The following GABRB3 variants were observed in gnomAD, a reference collection of about 807,000 sequenced individuals.
GABRB3 encodes gamma-aminobutyric acid receptor subunit beta-3.
GABRB3 carries 14 observed loss-of-function variants against 52.1 expected under a neutral mutation model. The observed-to-expected ratio is 0.27, with a 90% CI of 0.18 to 0.42. The LOEUF (loss-of-function observed/expected upper bound fraction) is 0.42, where lower values mean the gene tolerates loss of function less well. GABRB3 is among the 10% of genes least tolerant of loss of function. The pLI, the probability that GABRB3 is intolerant of heterozygous loss-of-function variation, is 1.00. For synonymous variants in GABRB3, 260 were observed against 232.3 expected (o/e 1.12, Z -1.08); for missense variants, 307 against 609.1 (o/e 0.50, Z 5.22).
At chr15:26,765,965 G>A (rs1413145181) in intron 3 of GABRB3, among the ~76,000 whole-genome samples, 1 of 152,066 alleles carries the variant, frequency 6.6e-6, no homozygotes, top group Non-Finnish European at 1.5e-5. Flanking sequence ...TAAGAAAGTC[G>A]GTGCTATTTC....
intron 3 of GABRB3, among the ~76,000 whole-genome samples, chr15:26,622,435 C>T (rs1223113001): frequency 6.6e-6 from 1 of 152,164 alleles, no homozygotes; most frequent in African/African-American, 2.4e-5. Flanking sequence ...TAGTGATATT[C>T]ACAGGACATT....
intron 4 of GABRB3, among the ~76,000 whole-genome samples, chr15:26,598,993 C>T (rs1595470964): frequency 1.3e-5 from 2 of 152,220 alleles, no homozygotes; most frequent in East Asian, 3.9e-4. Context: ...ATGACACTGC[C>T]CAGGCAGGGA....
At chr15:26,642,123 C>A (rs1178906208) in intron 3 of GABRB3, among the ~76,000 whole-genome samples, 1 of 152,162 alleles carries the variant, frequency 6.6e-6, no homozygotes, top group Non-Finnish European at 1.5e-5. Flanking sequence ...GAACTCCCAG[C>A]CGCAAGCAAT....
intron 3 of GABRB3, among the ~76,000 whole-genome samples, chr15:26,657,659 T>C (rs576046743): frequency 1.3e-5 from 2 of 152,324 alleles, no homozygotes; most frequent in African/African-American, 4.8e-5. Context: ...TCATCTCCAG[T>C]TCATAGGTAA....
intron 4 of GABRB3, among the ~76,000 whole-genome samples, chr15:26,588,724 C>T (rs1364089169): frequency 2.6e-5 from 4 of 152,154 alleles, no homozygotes; most frequent in Non-Finnish European, 5.9e-5. Flanking sequence ...ATATTCATAA[C>T]ATTCTCATTA....
rs565597905 is a variant in GABRB3 at position 26,605,798 on chromosome 15, T to C, written c.461+15516A>G. ...GGGGTACAGGGAGACAGAGAACAGG[T>C]GGTGTATTAGTCAGTTCTTGCATTG... is the stretch of plus-strand genomic sequence containing the variant. On this transcript the variant is annotated intron_variant, in intron 4 of 8. Coordinates refer to ENST00000311550, the MANE Select transcript of GABRB3 (RefSeq NM_000814.6). Among the ~76,000 whole-genome samples the C allele has an allele frequency of 5.9e-5, 9 of 152,122 alleles. No individual in the cohort carries two copies. The South Asian group carries it at 1.7e-3, about 28-fold the overall frequency.
chr15:26,587,421 A>C (rs1176599417), intron 4 of GABRB3, among the ~76,000 whole-genome samples: 1 of 152,192 alleles, frequency 6.6e-6, no homozygotes, highest in African/African-American at 2.4e-5. Context: ...TGGGATAAAA[A>C]GGCAAAAAGA....
intron 4 of GABRB3, among the ~76,000 whole-genome samples, chr15:26,610,954 T>A (rs1892045913): frequency 6.6e-6 from 1 of 152,222 alleles, no homozygotes; most frequent in South Asian, 2.1e-4. Flanking sequence ...AACAAAATGA[T>A]CTTTGTTTAT....
At chr15:26,614,947 T>C (rs957847630) in intron 4 of GABRB3, 1 of 151,782 alleles carries the variant, frequency 6.6e-6, no homozygotes, top group Non-Finnish European at 1.5e-5. Flanking sequence ...GATTCCCAGG[T>C]GCTTTTTGGA....
chr15:26,723,686 T>G (rs1889699720), intron 3 of GABRB3, among the ~76,000 whole-genome samples: 1 of 152,174 alleles, frequency 6.6e-6, no homozygotes, highest in Admixed American at 6.5e-5. Context: ...ATGTTTCAAC[T>G]CAGAAAATAA....
At chr15:26,679,027 A>G (rs1040660863) in intron 3 of GABRB3, among the ~76,000 whole-genome samples, 1 of 152,186 alleles carries the variant, frequency 6.6e-6, no homozygotes. Flanking sequence ...GCAGGTCTCT[A>G]TGGAACAGGA....
At chr15:26,688,059 G>A (rs954642117) in intron 3 of GABRB3, among the ~76,000 whole-genome samples, 6 of 152,132 alleles carry the variant, frequency 3.9e-5, no homozygotes, top group African/African-American at 1.4e-4. Context: ...AAATTAGAAA[G>A]TTTTCTTCAT....
At chr15:26,576,033 G>A (rs1418774600) in intron 6 of GABRB3, among the ~76,000 whole-genome samples, 1 of 152,210 alleles carries the variant, frequency 6.6e-6, no homozygotes, top group Non-Finnish European at 1.5e-5. Flanking sequence ...CATTTTGCTG[G>A]TGAGCGGGAC....
chr15:26,735,792 G>T (rs1278960810), intron 3 of GABRB3, among the ~76,000 whole-genome samples: 2 of 151,596 alleles, frequency 1.3e-5, no homozygotes, highest in Non-Finnish European at 2.9e-5. Context: ...CCACAAAAAA[G>T]TAAAAATAAA....
intron 3 of GABRB3, among the ~76,000 whole-genome samples, chr15:26,682,709 A>G (rs112611033): frequency 0.011 from 1,714 of 152,168 alleles, 42 homozygotes; most frequent in Admixed American, 0.053. Context: ...CAGGGATTAC[A>G]CTCCCTCATG....
At chr15:26,722,927 G>C (rs1204789927) in intron 3 of GABRB3, among the ~76,000 whole-genome samples, 1 of 152,142 alleles carries the variant, frequency 6.6e-6, no homozygotes, top group African/African-American at 2.4e-5. Context: ...GGACCTATCA[G>C]CTTCACACTA....
chr15:26,660,049 G>A (rs1887491653), intron 3 of GABRB3, among the ~76,000 whole-genome samples: 1 of 152,058 alleles, frequency 6.6e-6, no homozygotes, highest in Non-Finnish European at 1.5e-5. Flanking sequence ...GGCCAACACG[G>A]TGAAACTCGG....
At chr15:26,742,071 A>C (rs988480901) in intron 3 of GABRB3, among the ~76,000 whole-genome samples, 1 of 150,494 alleles carries the variant, frequency 6.6e-6, no homozygotes, top group Non-Finnish European at 1.5e-5. Flanking sequence ...CCCCTTATGC[A>C]CTCCTACACG....
intron 3 of GABRB3, among the ~76,000 whole-genome samples, chr15:26,683,947 G>C (rs922009861): frequency 2.0e-5 from 3 of 152,142 alleles, no homozygotes; most frequent in African/African-American, 7.2e-5. Flanking sequence ...TCCACCTCCA[G>C]GTTTTCAGAT....
Sources: gnomAD v4.1 joint callset for allele counts (sites outside exome capture counted in the v4.1 genomes callset) on GRCh38, gnomAD v4.1.1 for gene constraint, MANE v1.5 for transcripts, NCBI Gene and HGNC (gene_info 2026-07-23, HGNC 2026-07-21) for gene names.